Variants in ERN2 observed in about 807,000 individuals in gnomAD.
The protein encoded by ERN2 is serine/threonine-protein kinase/endoribonuclease IRE2.
Under a neutral mutation model 107.9 loss-of-function variants are expected in ERN2, and 111 were observed. The ratio of observed to expected loss-of-function variants is 1.03; its 90% CI spans 0.88 to 1.20. The LOEUF (loss-of-function observed/expected upper bound fraction) is 1.20. Among genes scored for constraint, ERN2 ranks in the 50% most tolerant of loss-of-function variants. The pLI is 0.00. For missense variants in ERN2, 1,225 were observed against 1,197.9 expected (o/e 1.02, Z -0.33); for synonymous variants, 524 against 501.7 (o/e 1.04, Z -0.59).
At position 23,692,183 on chromosome 16, in the gene ERN2, C is replaced by T. The variant is rs1959624758; in HGVS notation, c.2248+1G>A. On this transcript the variant is annotated splice_donor_variant, in intron 18 of 21. Transcript: ENST00000256797. LOFTEE classifies it high-confidence loss of function. ...CTCTGCCCTGCCCAGGGCTCCCTCA[C>T]CGTGGACCTCTTCCTCCAGGTGAGC... The T allele has an allele frequency of 8.1e-6, 13 of 1,614,008 alleles. No homozygotes were observed. Among genetic ancestry groups the T allele is most frequent in the Non-Finnish European group, 9.3e-6 (11 of 1,180,036 alleles).
chr16:23,710,150 C>T (rs755011504), intron 4 of ERN2, 22 bp downstream of exon 4: 8 of 1,586,794 alleles, frequency 5.0e-6, no homozygotes, highest in Non-Finnish European at 6.9e-6. Flanking sequence ...TCACCCATTC[C>T]CGAACACCAT....
At chr16:23,711,079 G>T in intron 1 of ERN2, 61 bp from the exon 2 acceptor site, 2 of 1,162,148 alleles carry the variant, frequency 1.7e-6, no homozygotes, top group Non-Finnish European at 2.6e-6. Context: ...CTTTGCTCCT[G>T]TCCCAAGCAG....
chr16:23,691,717 A>G (rs1412984812), intron 19 of ERN2, among the ~76,000 whole-genome samples: 1 of 152,234 alleles, frequency 6.6e-6, no homozygotes, highest in African/African-American at 2.4e-5. Context: ...TCGGGTGGAA[A>G]GGAATGGGCT....
intron 14 of ERN2, 78 bp downstream of exon 14, chr16:23,695,812 TGAAA>T (rs1959797597): frequency 1.9e-6 from 2 of 1,061,752 alleles, no homozygotes; most frequent in Non-Finnish European, 2.9e-6. Context: ...GGGGAGTCTT[TGAAA>T]GAATGTCTCT....
rs1156346379 is a variant in ERN2, at chr16:23,712,141, G to A, written c.93+954C>T. The stretch of plus-strand genomic sequence containing the variant: ...TGGGGCTGGGCCACTGGTGTTGAGT[G>A]GAGGGTCAGGAAATTATCTGCTAGC... On this transcript the variant is annotated intron_variant, in intron 1 of 21. Coordinates refer to ENST00000256797, the MANE Select transcript of ERN2 (RefSeq NM_033266.4). 1.6e-5 allele frequency: 6 copies of A among 371,388 alleles called. No homozygotes were observed. The Middle Eastern group carries it at 1.8e-3, about 113-fold the overall frequency. 23.0% of individuals were successfully genotyped at this position (371,388 alleles called of 1,614,324 possible).
chr16:23,694,827 C>T lies in ERN2; in HGVS notation c.2001G>A (p.Leu667=). Residue 667 remains leucine (L), a synonymous_variant, in exon 17 of 22, where the codon CTG becomes CTA. Coordinates refer to ENST00000256797, the MANE Select transcript of ERN2 (RefSeq NM_033266.4). ...VLSDFGLCKK[L]PAGRCSFSLH... is the part of the protein sequence containing the mutation. ...GGCTGAAGCTACAGCGGCCAGCAGG[C>T]AGCTTCTTGCAGAGGCCGAAGTCTG... 6.2e-7 allele frequency: 1 copy of T among 1,614,132 alleles called. No individual in the cohort carries two copies. Among genetic ancestry groups the T allele is most frequent in the Non-Finnish European group, 8.5e-7 (1 of 1,180,006 alleles).
chr16:23,700,810 G>T, intron 12 of ERN2, 106 bp from the exon 13 acceptor site: 1 of 1,481,886 alleles, frequency 6.7e-7, no homozygotes, highest in Non-Finnish European at 9.1e-7. Context: ...TGAACTTACA[G>T]AGCAAGATCG....
Position 23,702,239 on chromosome 16 carries a change from G to C in ERN2, c.1116C>G (p.Thr372=). ...HHELPPVLHT[T]MLRVHPTLGS... ...CCAGGGTGGGATGGACCCTCAGCAT[G>C]GTGGTGTGCAGGACTGGGGGTAGCT... Residue 372 remains threonine (T), a synonymous_variant, in exon 11 of 22, where the codon ACC becomes ACG. Transcript: ENST00000256797. 1 of 1,614,194 alleles carries C rather than the reference G, an allele frequency of 6.2e-7. No individual in the cohort carries two copies. The highest frequency in any genetic ancestry group is 8.5e-7 in the Non-Finnish European group (1 of 1,180,026).
chr16:23,692,356 G>A, intron 17 of ERN2, 25 bp from the exon 18 acceptor site: 1 of 1,607,780 alleles, frequency 6.2e-7, no homozygotes, highest in Non-Finnish European at 8.5e-7. Context: ...ATGGGCATGA[G>A]AAGGAAATCT....
At position 23,691,984 on chromosome 16, in the gene ERN2, G is replaced by T; in HGVS notation, c.2355C>A (p.Ala785=). 6.2e-7 allele frequency: 1 copy of T among 1,613,298 alleles called. No homozygotes were observed. The highest frequency in any genetic ancestry group is 8.5e-7 in the Non-Finnish European group (1 of 1,179,782). The change falls in exon 19 of 22, where the codon GCC becomes GCA. Residue 785 remains alanine (A), a synonymous_variant. Coordinates refer to ENST00000256797, the MANE Select transcript of ERN2 (RefSeq NM_033266.4). The part of the protein sequence containing the change: ...VLAHPFFWSR[A]KQLQFFQDVS... Reference sequence around the variant, plus strand: ...TGACCTGGAAGAACTGGAGTTGCTTGGCTCTGCTCCAAAAGAAGGGGTGGG... The same window carrying T: ...TGACCTGGAAGAACTGGAGTTGCTTTGCTCTGCTCCAAAAGAAGGGGTGGG...
At chr16:23,702,121 T>C in intron 11 of ERN2, 31 bp downstream of exon 11, 1 of 1,599,180 alleles carries the variant, frequency 6.3e-7, no homozygotes. Flanking sequence ...GGGGCCTCCC[T>C]ACCCCCACTC....
chr16:23,691,938 G>C, intron 19 of ERN2, 25 bp downstream of exon 19: 2 of 1,605,474 alleles, frequency 1.2e-6, no homozygotes, highest in Non-Finnish European at 1.7e-6. Context: ...ACTTTTGGGG[G>C]CCATTCCCAA....
chr16:23,695,159 G>A, intron 15 of ERN2, 41 bp from the exon 16 acceptor site: 1 of 1,613,598 alleles, frequency 6.2e-7, no homozygotes, highest in Non-Finnish European at 8.5e-7. Context: ...CTCCAGCCCG[G>A]ACCTTCCCAC....
chr16:23,695,722 CAAAAAAAAAAAAAA>C (rs57103138), intron 14 of ERN2, among the ~76,000 whole-genome samples, 158 bp downstream of exon 14: 10 of 37,388 alleles, frequency 2.7e-4, no homozygotes, highest in African/African-American at 6.7e-4. Flanking sequence ...GAGCAAGACT[CAAAAAAAAAAAAAA>C]AAAAAAAAAA....
intron 4 of ERN2, chr16:23,707,381 T>C (rs984526480): frequency 5.2e-6 from 2 of 388,082 alleles, no homozygotes; most frequent in African/African-American, 4.1e-5. Flanking sequence ...AGGTATCATG[T>C]GAGCCACTTG....
At chr16:23,691,239 T>A in intron 20 of ERN2, 43 bp from the exon 21 acceptor site, 1 of 1,611,904 alleles carries the variant, frequency 6.2e-7, no homozygotes, top group Non-Finnish European at 8.5e-7. Context: ...CCTGCTAGAC[T>A]CCCCTCCACC....
At chr16:23,702,784 A>G in intron 8 of ERN2, 82 bp from the exon 9 acceptor site, 1 of 1,181,902 alleles carries the variant, frequency 8.5e-7, no homozygotes, top group Non-Finnish European at 1.3e-6. Flanking sequence ...ATGCCCTTGT[A>G]TATTTCCCTC....
chr16:23,692,122 C>T (rs1397355783), intron 18 of ERN2, 32 bp from the exon 19 acceptor site: 1 of 1,613,748 alleles, frequency 6.2e-7, no homozygotes. Context: ...GGAGAGTCTG[C>T]TTCAGGCCTG....
chr16:23,700,960 T>G lies in ERN2; in HGVS notation c.1358A>C (p.Gln453Pro). The change falls in exon 12 of 22, where the codon CAG becomes CCG. Residue 453 changes from glutamine (Q) to proline (P), a missense_variant and splice_region_variant. Gln to Pro is a moderately conservative substitution (Grantham distance 76, BLOSUM62 -1). Coordinates refer to ENST00000256797, the MANE Select transcript of ERN2 (RefSeq NM_033266.4). ...CTGAGGTCAGGGCGGTGGGCCTACC[T>G]GCCTCATCACAAAGAGAATCCACCC... is the stretch of plus-strand genomic sequence containing the variant. ...LGGWILFVMR[Q>P]QQPQVVEKQQ... is the part of the protein sequence containing the mutation. 6.2e-7 allele frequency: 1 copy of G among 1,613,704 alleles called. No individual in the cohort carries two copies. Among genetic ancestry groups the G allele is most frequent in the Admixed American group, 1.7e-5 (1 of 59,938 alleles).
Sources: allele counts gnomAD v4.1 joint callset (sites outside exome capture counted in the v4.1 genomes callset), GRCh38; gene constraint gnomAD v4.1.1; transcripts MANE v1.5; gene names NCBI Gene and HGNC (gene_info 2026-07-23, HGNC 2026-07-21).